The following PNISR variants were observed in gnomAD, a reference collection of about 807,000 sequenced individuals.
PNISR encodes the protein arginine/serine-rich protein PNISR.
A neutral mutation model predicts 93.4 loss-of-function variants in PNISR; 20 were observed. The observed-to-expected ratio is 0.21, with a 90% CI of 0.15 to 0.31. PNISR has a LOEUF of 0.31. Among genes scored for constraint, PNISR ranks in the 10% least tolerant of loss-of-function variants. PNISR has a pLI of 1.00. For missense variants in PNISR, 893 were observed against 985.4 expected, an observed-to-expected ratio of 0.91 and a Z score of 1.25; for synonymous variants, 305 against 306.5, an observed-to-expected ratio of 0.99 and a Z score of 0.05.
chr6:99,424,602 A>T (rs185557649), intron 1 of PNISR, among the ~76,000 whole-genome samples: 18 of 152,382 alleles, frequency 1.2e-4, no homozygotes, highest in African/African-American at 4.1e-4. Flanking sequence ...AAAAAGATGT[A>T]AAAGATTAAT....
rs554198406 is a variant in PNISR at position 99,406,017 on chromosome 6, C to A, written c.1002+14G>T. The A allele has an allele frequency of 6.3e-7, 1 of 1,586,348 alleles. No homozygotes were observed. Among genetic ancestry groups the A allele is most frequent in the Non-Finnish European group, 8.6e-7 (1 of 1,164,802 alleles). On this transcript the variant is annotated intron_variant, in intron 8 of 11. Coordinates refer to ENST00000369239, the MANE Select transcript of PNISR (RefSeq NM_032870.4). ...AATAAATCCATGTACATAGTAAGAA[C>A]TTTAACATTCTACCATTTGATACTC...
chr6:99,401,201 C>G lies in PNISR; in HGVS notation c.1757G>C (p.Arg586Thr). Residue 586 changes from arginine (R) to threonine (T), a missense_variant, in exon 12 of 12, where the codon AGG (arginine) becomes ACG (threonine). Physicochemically the swap from Arg to Thr is moderately conservative, Grantham distance 71 (BLOSUM62 -1). This residue lies in a region of PNISR where 866 missense variants were observed against 935.1 expected (regional missense o/e 0.93). Transcript: ENST00000369239. ...YSRRIKIESNRARVKIRDRRR... is the reference protein window; with the variant it reads ...YSRRIKIESNTARVKIRDRRR... ...TCTATCTCTAATCTTTACCCTAGCC[C>G]TATTGCTCTCTATTTTAATTCTGCG... is the stretch of plus-strand genomic sequence containing the variant. 1.2e-6 allele frequency: 2 copies of G among 1,613,958 alleles called. No individual in the cohort carries two copies. The highest frequency in any genetic ancestry group is 1.7e-6 in the Non-Finnish European group (2 of 1,179,962).
chr6:99,417,184 T>G (rs1226869343), intron 1 of PNISR, among the ~76,000 whole-genome samples: 1 of 152,224 alleles, frequency 6.6e-6, no homozygotes. Context: ...ATAAAGTGCC[T>G]ACTGAAACTG....
intron 1 of PNISR, among the ~76,000 whole-genome samples, chr6:99,423,794 A>G (rs1778987736): frequency 6.6e-6 from 1 of 152,188 alleles, no homozygotes; most frequent in Non-Finnish European, 1.5e-5. Flanking sequence ...CTTAAGCAAC[A>G]GAAATTTATT....
intron 6 of PNISR, among the ~76,000 whole-genome samples, 195 bp from the exon 7 acceptor site, chr6:99,408,466 A>T (rs1372858654): frequency 6.6e-6 from 1 of 152,174 alleles, no homozygotes; most frequent in Non-Finnish European, 1.5e-5. Flanking sequence ...CCATCATCTA[A>T]TTTAATCCTT....
Position 99,425,250 on chromosome 6 carries a change from T to A in PNISR, c.-147A>T. ...TCGGGAACACCCTTGTCGCCGCCGT[T>A]CCGGTAACACCTCTCCAACGCTTTC... is the stretch of plus-strand genomic sequence containing the variant. On this transcript the variant is annotated 5_prime_UTR_variant, in exon 1 of 12. Coordinates refer to ENST00000369239, the MANE Select transcript of PNISR (RefSeq NM_032870.4). 8.1e-7 allele frequency: 1 copy of A among 1,232,172 alleles called. No individual in the cohort carries two copies. Among genetic ancestry groups the A allele is most frequent in the Non-Finnish European group, 1.0e-6 (1 of 987,956 alleles). The allele number at this position is 1,232,172 out of a possible 1,614,324, so 76.3% of individuals were successfully genotyped here.
At chr6:99,408,767 G>A (rs971335054) in intron 6 of PNISR, among the ~76,000 whole-genome samples, 2 of 152,150 alleles carry the variant, frequency 1.3e-5, no homozygotes, top group East Asian at 3.8e-4. Context: ...ATACTTAAGG[G>A]AAGTGAAATA....
rs1454549138 is a variant in PNISR at position 99,399,686 on chromosome 6, G to A, written c.*854C>T. ...TATACACACAGAGAATATATTACTT[G>A]AAAATCCCCAAAATAGGAAGAAAAG... On this transcript the variant is annotated 3_prime_UTR_variant, in exon 12 of 12. Coordinates refer to ENST00000369239, the MANE Select transcript of PNISR (RefSeq NM_032870.4). The A allele has an allele frequency of 1.3e-5, 2 of 152,082 alleles. No individual in the cohort carries two copies. The highest frequency in any genetic ancestry group is 2.1e-4 in the South Asian group (1 of 4,832). 9.4% of individuals were successfully genotyped at this position (152,082 alleles called of 1,614,324 possible).
intron 8 of PNISR, 118 bp from the exon 9 acceptor site, chr6:99,404,820 C>A: frequency 1.7e-6 from 1 of 588,626 alleles, no homozygotes. Context: ...ACTCTGTTGC[C>A]CAGGCTGGAT....
Position 99,421,303 on chromosome 6 carries a change from C to G in PNISR, c.-112+3912G>C, listed in dbSNP as rs964195265. On this transcript the variant is annotated intron_variant, in intron 1 of 11. Coordinates refer to ENST00000369239, the MANE Select transcript of PNISR (RefSeq NM_032870.4). ...CCACCACACACTGCCGCAAAAAAAT[C>G]AAGTGATAGCTATCACCAGTGTTAT... 4.6e-5 allele frequency among the ~76,000 whole-genome samples: 7 copies of G among 152,178 alleles called. 1 individual carries two copies. Among genetic ancestry groups the G allele is most frequent in the African/African-American group, 1.7e-4 (7 of 41,438 alleles).
chr6:99,413,625 C>A lies in PNISR; in HGVS notation c.89-886G>T, dbSNP rs941992835. 2.5e-4 allele frequency among the ~76,000 whole-genome samples: 38 copies of A among 152,162 alleles called. 1 individual carries two copies. Among genetic ancestry groups the A allele is most frequent in the Admixed American group, 1.4e-3 (22 of 15,264 alleles). ...ACAGGCATGAACCACCGCACCTGGC[C>A]TCTCTTCCCAAGCATCTACATTTAA... On this transcript the variant is annotated intron_variant, in intron 3 of 11. Coordinates refer to ENST00000369239, the MANE Select transcript of PNISR (RefSeq NM_032870.4).
intron 1 of PNISR, among the ~76,000 whole-genome samples, chr6:99,422,405 T>A (rs557676029): frequency 6.6e-5 from 10 of 152,232 alleles, no homozygotes. Flanking sequence ...ATGAGTTGAC[T>A]GACCTCAAAG....
rs923938242 is a variant in PNISR, at chr6:99,399,357, G to A, written c.*1183C>T. The A allele has an allele frequency of 2.6e-5, 4 of 151,896 alleles. No homozygotes were observed. Among genetic ancestry groups the A allele is most frequent in the African/African-American group, 7.3e-5 (3 of 41,370 alleles). The allele number at this position is 151,896 out of a possible 1,614,324, so 9.4% of individuals were successfully genotyped here. On this transcript the variant is annotated 3_prime_UTR_variant, in exon 12 of 12. Coordinates refer to ENST00000369239, the MANE Select transcript of PNISR (RefSeq NM_032870.4). ...CTCACTAATCATAATTTTAAGAAACGGACAAAATCAGACAATTTTAATGTC... is the reference window on the plus strand; with the variant it reads ...CTCACTAATCATAATTTTAAGAAACAGACAAAATCAGACAATTTTAATGTC...
At chr6:99,403,766 A>G in intron 10 of PNISR, 63 bp downstream of exon 10, 1 of 1,193,292 alleles carries the variant, frequency 8.4e-7, no homozygotes, top group Non-Finnish European at 1.2e-6. Context: ...TAGAACACGC[A>G]GAGAGACAAT....
At chr6:99,420,097 A>G (rs1778345239) in intron 1 of PNISR, among the ~76,000 whole-genome samples, 1 of 152,128 alleles carries the variant, frequency 6.6e-6, no homozygotes, top group African/African-American at 2.4e-5. Context: ...GTTAGCCAGG[A>G]TGGTCTCAAT....
chr6:99,409,647 C>A (rs1287680580), intron 5 of PNISR: 1 of 216,746 alleles, frequency 4.6e-6, no homozygotes, highest in East Asian at 1.1e-4. Flanking sequence ...ACTAAGACAT[C>A]AAATAGATAC....
At position 99,399,502 on chromosome 6, in the gene PNISR, G is replaced by A. The variant is rs62432266; in HGVS notation, c.*1038C>T. 4 of 151,954 alleles carry A rather than the reference G, an allele frequency of 2.6e-5. No homozygotes were observed. Among genetic ancestry groups the A allele is most frequent in the African/African-American group, 9.7e-5 (4 of 41,378 alleles). 9.4% of individuals were successfully genotyped at this position (151,954 alleles called of 1,614,324 possible). A position where few individuals can be genotyped will look rare whatever the true frequency, so the allele number is the denominator to read the frequency against. ...AGTCTTATTTCTATAACCCCAAAAAGTGTTTCAAAATGCTTCTAAAACAGA... is the reference window on the plus strand; with the variant it reads ...AGTCTTATTTCTATAACCCCAAAAAATGTTTCAAAATGCTTCTAAAACAGA... On this transcript the variant is annotated 3_prime_UTR_variant, in exon 12 of 12. Coordinates refer to ENST00000369239, the MANE Select transcript of PNISR (RefSeq NM_032870.4).
At chr6:99,407,623 A>G (rs1303860272) in intron 7 of PNISR, among the ~76,000 whole-genome samples, 2 of 152,202 alleles carry the variant, frequency 1.3e-5, no homozygotes, top group African/African-American at 4.8e-5. Flanking sequence ...AAAAGTTCCT[A>G]AACCACTCAA....
In PNISR at chr6:99,404,192, AG is replaced by A. The variant is rs1454300356; in HGVS notation, c.1103-311del. ...ATTTTTAAGGTGTTACTAAAAATCT[AG>A]GGGTAGGAAATCACTTGCTTCTGTA... is the stretch of plus-strand genomic sequence containing the variant. On this transcript the variant is annotated intron_variant, in intron 9 of 11. Coordinates refer to ENST00000369239, the MANE Select transcript of PNISR (RefSeq NM_032870.4). 9 of 382,628 alleles carry A rather than the reference AG, an allele frequency of 2.4e-5. No individual in the cohort carries two copies. The South Asian group carries it at 2.6e-4, about 11-fold the overall frequency. The allele number at this position is 382,628 out of a possible 1,614,324, so 23.7% of individuals were successfully genotyped here.
Sources: allele counts gnomAD v4.1 joint callset (sites outside exome capture counted in the v4.1 genomes callset), GRCh38; gene constraint gnomAD v4.1.1; regional missense constraint gnomAD v4.1.1; transcripts MANE v1.5; gene names NCBI Gene and HGNC (gene_info 2026-07-23, HGNC 2026-07-21).